ORC2: variants seen among roughly 807,000 people sequenced by gnomAD.
The protein encoded by ORC2 is origin recognition complex subunit 2.
A neutral mutation model predicts 77.7 loss-of-function variants in ORC2; 37 were observed. The observed-to-expected ratio is 0.48, with a 90% CI of 0.37 to 0.63. ORC2 has a LOEUF of 0.63. Ranked by LOEUF, ORC2 falls within the 20% of genes least tolerant of loss-of-function variation. ORC2 has a pLI of 0.00. For synonymous variants in ORC2, 201 were observed against 229.5 expected, an observed-to-expected ratio of 0.88 and a Z score of 1.12; for missense variants, 557 against 661.9, an observed-to-expected ratio of 0.84 and a Z score of 1.74.
intron 1 of ORC2, chr2:200,963,148 C>T (rs958381172): frequency 1.1e-5 from 3 of 285,198 alleles, no homozygotes; most frequent in South Asian, 1.7e-4. Flanking sequence ...TAGTATCAGG[C>T]GTCCCTTGCA....
chr2:200,946,148 A>AT (rs550900180), intron 5 of ORC2, among the ~76,000 whole-genome samples: 161 of 146,136 alleles, frequency 1.1e-3, no homozygotes, highest in African/African-American at 3.4e-3. Flanking sequence ...ATGAAAATCT[A>AT]TTTTTTTTTT....
At chr2:200,929,679 C>T (rs1436675371) in intron 11 of ORC2, among the ~76,000 whole-genome samples, 1 of 151,984 alleles carries the variant, frequency 6.6e-6, no homozygotes. Flanking sequence ...CATCTATGGA[C>T]CCAGCTATTT....
intron 15 of ORC2, among the ~76,000 whole-genome samples, chr2:200,918,524 T>A (rs1200546035): frequency 2.6e-5 from 4 of 151,576 alleles, no homozygotes; most frequent in Non-Finnish European, 4.4e-5. Context: ...AGGCTCACTC[T>A]GTCACCCAGG....
intron 13 of ORC2, among the ~76,000 whole-genome samples, chr2:200,923,462 C>A (rs1453770880): frequency 6.6e-6 from 1 of 152,066 alleles, no homozygotes; most frequent in African/African-American, 2.4e-5. Context: ...GTTGCCCAGG[C>A]TGGTCTCAAA....
intron 11 of ORC2, among the ~76,000 whole-genome samples, chr2:200,930,617 CCA>C (rs796581916): frequency 1.3e-5 from 2 of 151,840 alleles, no homozygotes; most frequent in African/African-American, 4.8e-5. Context: ...AGTGCCTGGT[CCA>C]TGGCTCTACC....
intron 8 of ORC2, 36 bp from the exon 9 acceptor site, chr2:200,935,928 T>C: frequency 1.3e-6 from 2 of 1,585,626 alleles, no homozygotes; most frequent in African/African-American, 1.3e-5. Context: ...GACAATTTCA[T>C]GGTTTGACAA....
In ORC2 at chr2:200,958,213, CAT is replaced by C. The variant is rs768680508; in HGVS notation, c.-10-82_-10-81del. On this transcript the variant is annotated intron_variant, in intron 2 of 17. Coordinates refer to ENST00000234296, the MANE Select transcript of ORC2 (RefSeq NM_006190.5). ...AAATTAAACATTCACATAATGAATA[CAT>C]GTCTTTATCTAATATTTTTAAAGTC... 325 of 768,424 alleles carry C rather than the reference CAT, an allele frequency of 4.2e-4. 1 individual carries two copies. Among genetic ancestry groups the C allele is most frequent in the Non-Finnish European group, 6.4e-4 (282 of 437,942 alleles). 47.6% of individuals were successfully genotyped at this position (768,424 alleles called of 1,614,324 possible).
chr2:200,950,564 G>A (rs2041333861), intron 4 of ORC2, among the ~76,000 whole-genome samples: 1 of 152,144 alleles, frequency 6.6e-6, no homozygotes. Flanking sequence ...TGTACAGTGA[G>A]GTATGCCAGA....
intron 7 of ORC2, among the ~76,000 whole-genome samples, chr2:200,940,696 G>A (rs2041133190): frequency 1.3e-5 from 2 of 152,094 alleles, no homozygotes; most frequent in South Asian, 4.1e-4. Context: ...CAGCTACTCA[G>A]GAGGCTGAGG....
chr2:200,910,524 A>G lies in ORC2; in HGVS notation c.*777T>C, dbSNP rs968047173. ...TTTATTTTTTGTTGTCTTGAAAACA[A>G]TTACTAAAATGTAATTCAGGATTTT... On this transcript the variant is annotated 3_prime_UTR_variant, in exon 18 of 18. Coordinates refer to ENST00000234296, the MANE Select transcript of ORC2 (RefSeq NM_006190.5). The G allele has an allele frequency of 2.0e-5, 3 of 152,224 alleles. No individual in the cohort carries two copies. Among genetic ancestry groups the G allele is most frequent in the Non-Finnish European group, 4.4e-5 (3 of 68,046 alleles). The allele number at this position is 152,224 out of a possible 1,614,324, so 9.4% of individuals were successfully genotyped here. A position where few individuals can be genotyped will look rare whatever the true frequency, so the allele number is the denominator to read the frequency against.
intron 1 of ORC2, 173 bp downstream of exon 1, chr2:200,963,317 G>A (rs1436949067): frequency 7.6e-6 from 3 of 397,132 alleles, no homozygotes; most frequent in Middle Eastern, 6.2e-4. Flanking sequence ...GCCTGCGGGG[G>A]GCAGCGAGGC....
In ORC2 at chr2:200,941,252, G is replaced by A. The variant is rs773720834; in HGVS notation, c.449C>T (p.Pro150Leu). The A allele has an allele frequency of 1.5e-5, 24 of 1,607,574 alleles. No homozygotes were observed. Among genetic ancestry groups the A allele is most frequent in the East Asian group, 2.2e-5 (1 of 44,776 alleles). Residue 150 changes from proline to leucine, a missense_variant, in exon 7 of 18, where the codon CCG becomes CTG. Transcript: ENST00000234296. ...KGHSASDKVQ[P>L]KNNDKSEFLS... ...GCTTTTTAGTCAATTGCTTACCTTC[G>A]GTTGAACCTTGTCTGAAGCAGAATG...
chr2:200,950,070 C>T (rs1287038479), intron 4 of ORC2, among the ~76,000 whole-genome samples: 6 of 152,152 alleles, frequency 3.9e-5, no homozygotes, highest in African/African-American at 1.4e-4. Flanking sequence ...CAGTGGCTCA[C>T]ACCTGTAATC....
Position 200,911,156 on chromosome 2 carries a change from T to C in ORC2, c.*145A>G, listed in dbSNP as rs961561361. The stretch of plus-strand genomic sequence containing the variant: ...AGCCAGGCTGATCAAAAAGTTCTAA[T>C]TGAGGACATCCCCCCCTTCCCAAAT... On this transcript the variant is annotated 3_prime_UTR_variant, in exon 18 of 18. Transcript: ENST00000234296. The C allele has an allele frequency of 1.5e-5, 9 of 607,946 alleles. No homozygotes were observed. Among genetic ancestry groups the C allele is most frequent in the African/African-American group, 9.3e-5 (5 of 53,826 alleles). 37.7% of individuals were successfully genotyped at this position (607,946 alleles called of 1,614,324 possible).
At chr2:200,962,354 A>G (rs2041595749) in intron 1 of ORC2, among the ~76,000 whole-genome samples, 1 of 152,208 alleles carries the variant, frequency 6.6e-6, no homozygotes, top group Admixed American at 6.5e-5. Flanking sequence ...GTAGCAACAC[A>G]CTCTCCTTTG....
At chr2:200,923,501 C>T (rs2040792425) in intron 13 of ORC2, among the ~76,000 whole-genome samples, 3 of 152,096 alleles carry the variant, frequency 2.0e-5, no homozygotes, top group Admixed American at 6.6e-5. Context: ...CCACCTGCCT[C>T]GGCCTCCCAA....
intron 2 of ORC2, among the ~76,000 whole-genome samples, chr2:200,958,568 TAC>T (rs1287998833): frequency 6.6e-6 from 1 of 152,204 alleles, no homozygotes; most frequent in African/African-American, 2.4e-5. Flanking sequence ...ACTAGAAAGC[TAC>T]AGTCAATTGT....
intron 4 of ORC2, among the ~76,000 whole-genome samples, chr2:200,956,323 A>G (rs932413066): frequency 6.6e-6 from 1 of 151,718 alleles, no homozygotes; most frequent in Non-Finnish European, 1.5e-5. Flanking sequence ...TCAACCTCCC[A>G]GGCTCAAGTG....
chr2:200,950,769 A>G (rs1478154562), intron 4 of ORC2, among the ~76,000 whole-genome samples: 1 of 152,100 alleles, frequency 6.6e-6, no homozygotes, highest in Non-Finnish European at 1.5e-5. Flanking sequence ...AATGGTGTCA[A>G]ACTTTCCAAA....
Sources: allele counts gnomAD v4.1 joint callset (sites outside exome capture counted in the v4.1 genomes callset), GRCh38; gene constraint gnomAD v4.1.1; transcripts MANE v1.5; gene names NCBI Gene and HGNC (gene_info 2026-07-23, HGNC 2026-07-21).